The following ATP2C2 variants were observed in gnomAD, a reference collection of about 807,000 sequenced individuals.
ATP2C2 encodes calcium-transporting ATPase type 2C member 2.
ATP2C2 carries 171 observed loss-of-function variants against 110.8 expected under a neutral mutation model. That is an observed-to-expected ratio of 1.54 (90% confidence interval 1.36 to 1.75). The LOEUF (loss-of-function observed/expected upper bound fraction) is 1.75, where lower values mean the gene tolerates loss of function less well. Among genes scored for constraint, ATP2C2 ranks in the 40% most tolerant of loss-of-function variants. The pLI, the probability that ATP2C2 is intolerant of heterozygous loss-of-function variation, is 0.00. For missense variants in ATP2C2, 1,963 were observed against 1,235.0 expected, an observed-to-expected ratio of 1.59 and a Z score of -8.84; for synonymous variants, 804 against 508.4, an observed-to-expected ratio of 1.58 and a Z score of -7.82.
At position 84,410,646 on chromosome 16, in the gene ATP2C2, A is replaced by G. The variant is rs763187648; in HGVS notation, c.453+43A>G. On this transcript the variant is annotated intron_variant, in intron 5 of 26. Transcript: ENST00000262429. ...TCCCAGTCAGGGTAAGCTGGGCGGG[A>G]CAGGAGCTTCATGGAGTCCCCACCT... The G allele has an allele frequency of 4.1e-5, 66 of 1,613,648 alleles. No homozygotes were observed. In the South Asian group the frequency reaches 6.4e-4, roughly 16 times the overall value.
chr16:84,420,406 C>G (rs1281126298), intron 7 of ATP2C2, among the ~76,000 whole-genome samples: 1 of 152,050 alleles, frequency 6.6e-6, no homozygotes, highest in Non-Finnish European at 1.5e-5. Flanking sequence ...GCCTTCTCCT[C>G]CTTCCTCCTT....
At chr16:84,463,476 CCCTG>C (rs1332870159) in intron 26 of ATP2C2, 134 bp from the exon 27 acceptor site, 2 of 710,310 alleles carry the variant, frequency 2.8e-6, no homozygotes, top group African/African-American at 3.6e-5. Context: ...AGGAAGATCT[CCCTG>C]CCTTCAGGGG....
At chr16:84,433,542 A>C (rs766545655) in intron 11 of ATP2C2, among the ~76,000 whole-genome samples, 4 of 151,890 alleles carry the variant, frequency 2.6e-5, no homozygotes, top group Non-Finnish European at 5.9e-5. Flanking sequence ...AGTCCCAGCT[A>C]CTCAGGGGCT....
chr16:84,428,704 GA>G (rs138468430), intron 11 of ATP2C2, among the ~76,000 whole-genome samples: 2 of 150,558 alleles, frequency 1.3e-5, no homozygotes, highest in Non-Finnish European at 3.0e-5. Flanking sequence ...TTCCCTTAAA[GA>G]AAAAAAAATC....
At chr16:84,369,102 A>C (rs1909802365) in intron 1 of ATP2C2, among the ~76,000 whole-genome samples, 1 of 152,252 alleles carries the variant, frequency 6.6e-6, no homozygotes, top group African/African-American at 2.4e-5. Flanking sequence ...ATTGGAAAAT[A>C]AAATTAGAGG....
chr16:84,459,770 A>G (rs1397122736), intron 23 of ATP2C2: 1 of 583,520 alleles, frequency 1.7e-6, no homozygotes, highest in East Asian at 3.0e-5. Flanking sequence ...AGATACACAC[A>G]GACACACTTT....
At chr16:84,434,054 G>A (rs1820144342) in intron 11 of ATP2C2, among the ~76,000 whole-genome samples, 1 of 152,168 alleles carries the variant, frequency 6.6e-6, no homozygotes, top group Admixed American at 6.5e-5. Context: ...TGGCAGCTTA[G>A]CCAGCGGAGA....
chr16:84,398,417 C>T, intron 1 of ATP2C2, 82 bp from the exon 2 acceptor site: 1 of 836,076 alleles, frequency 1.2e-6, no homozygotes, highest in East Asian at 3.3e-5. Context: ...AAAAAATAAA[C>T]TAATAAAAAT....
At chr16:84,442,382 C>A in intron 14 of ATP2C2, 128 bp from the exon 15 acceptor site, 3 of 804,740 alleles carry the variant, frequency 3.7e-6, no homozygotes, top group South Asian at 1.5e-5. Flanking sequence ...AAAGCCGGGA[C>A]GCTGAGTTGT....
In ATP2C2 at chr16:84,368,575, C is replaced by T. The variant is rs1335377546; in HGVS notation, c.-41C>T. 2.0e-6 allele frequency: 3 copies of T among 1,475,736 alleles called. No homozygotes were observed. Among genetic ancestry groups the T allele is most frequent in the East Asian group, 2.6e-5 (1 of 37,970 alleles). 91.4% of individuals were successfully genotyped at this position (1,475,736 alleles called of 1,614,324 possible). On this transcript the variant is annotated 5_prime_UTR_variant, in exon 1 of 27. Coordinates refer to ENST00000262429, the MANE Select transcript of ATP2C2 (RefSeq NM_014861.4). ...CGCGCGCAGCCATCCCGGGCCTCGC[C>T]GGGGACCTAGGGACGCAGGCAACGC...
chr16:84,394,289 G>T (rs577183108), intron 1 of ATP2C2, among the ~76,000 whole-genome samples: 1 of 152,134 alleles, frequency 6.6e-6, no homozygotes, highest in East Asian at 1.9e-4. Context: ...TCACAATGTC[G>T]TGTGACCACC....
At chr16:84,444,845 A>G (rs1268871379) in intron 15 of ATP2C2, among the ~76,000 whole-genome samples, 1 of 152,254 alleles carries the variant, frequency 6.6e-6, no homozygotes, top group Non-Finnish European at 1.5e-5. Flanking sequence ...CCTGTGTGAC[A>G]GGCATGGGGC....
At chr16:84,414,547 G>A (rs1011596099) in intron 6 of ATP2C2, among the ~76,000 whole-genome samples, 12 of 152,144 alleles carry the variant, frequency 7.9e-5, no homozygotes, top group African/African-American at 2.4e-4. Flanking sequence ...CATGTCTCTC[G>A]GGCCAGTGTT....
chr16:84,460,518 G>A (rs767358070), intron 23 of ATP2C2, 136 bp from the exon 24 acceptor site: 1 of 1,248,298 alleles, frequency 8.0e-7, no homozygotes, highest in Non-Finnish European at 1.2e-6. Context: ...CAGGTGCGAT[G>A]CCTGGGGGCG....
intron 20 of ATP2C2, among the ~76,000 whole-genome samples, chr16:84,453,923 C>T (rs918703339): frequency 1.3e-5 from 2 of 152,134 alleles, no homozygotes; most frequent in African/African-American, 4.8e-5. Flanking sequence ...TTACTTCAAC[C>T]TCTGCCTCCC....
At chr16:84,413,897 T>C (rs1240681626) in intron 6 of ATP2C2, among the ~76,000 whole-genome samples, 4 of 152,008 alleles carry the variant, frequency 2.6e-5, no homozygotes, top group Non-Finnish European at 5.9e-5. Context: ...GTGGAAGAAA[T>C]GGGGAGGCCT....
chr16:84,408,476 C>T lies in ATP2C2; in HGVS notation c.399C>T (p.Asp133=), dbSNP rs568418251. 1.2e-4 allele frequency: 198 copies of T among 1,613,384 alleles called. 3 individuals carry two copies. In the South Asian group the frequency reaches 1.6e-3, roughly 13 times the overall value. Reference sequence around the variant, plus strand: ...GTGTCCTCACCAAGGAGTATGAGGACGCCGTCAGCATCGCCACGGTGAGTT... The same window carrying T: ...GTGTCCTCACCAAGGAGTATGAGGATGCCGTCAGCATCGCCACGGTGAGTT... ...LVSVLTKEYE[D]AVSIATAVLV... Residue 133 remains aspartate (D), a synonymous_variant, in exon 4 of 27, where the codon GAC becomes GAT. Coordinates refer to ENST00000262429, the MANE Select transcript of ATP2C2 (RefSeq NM_014861.4).
chr16:84,382,744 C>T (rs2063972238), intron 1 of ATP2C2, among the ~76,000 whole-genome samples: 1 of 152,022 alleles, frequency 6.6e-6, no homozygotes, highest in African/African-American at 2.4e-5. Flanking sequence ...AAATGCAAAA[C>T]ATTTAGCCAG....
chr16:84,436,057 G>T (rs1319350493), intron 11 of ATP2C2, among the ~76,000 whole-genome samples: 1 of 150,606 alleles, frequency 6.6e-6, no homozygotes, highest in Non-Finnish European at 1.5e-5. Flanking sequence ...TGAAGCTGGG[G>T]GGTGGATGTT....
Sources: gnomAD v4.1 joint callset for allele counts (sites outside exome capture counted in the v4.1 genomes callset) on GRCh38, gnomAD v4.1.1 for gene constraint, MANE v1.5 for transcripts, NCBI Gene and HGNC (gene_info 2026-07-23, HGNC 2026-07-21) for gene names.